ADGRG2: variants seen among roughly 807,000 people sequenced by gnomAD.
The protein encoded by ADGRG2 is adhesion G protein-coupled receptor G2.
ADGRG2 carries 26 observed loss-of-function variants against 74.1 expected under a neutral mutation model. That is an observed-to-expected ratio of 0.35 (90% CI 0.26 to 0.49). ADGRG2 has a LOEUF of 0.49. Ranked by LOEUF, ADGRG2 falls within the 20% of genes least tolerant of loss-of-function variation. ADGRG2 has a pLI of 0.99. For synonymous variants in ADGRG2, 296 were observed against 295.2 expected, an observed-to-expected ratio of 1.00 and a Z score of -0.03; for missense variants, 619 against 763.1, an observed-to-expected ratio of 0.81 and a Z score of 2.22.
At position 19,096,953 on chromosome X, in the gene ADGRG2, C is replaced by T. The variant is rs1434677572; in HGVS notation, c.-46-14207G>A. ...GCCATCGTTAACTGCTTCCGGGCAC[C>T]AGGCACTCTGCAAATTGCTCCACAT... On this transcript the variant is annotated intron_variant, in intron 1 of 28. Transcript: ENST00000379869. 2.7e-5 allele frequency among the ~76,000 whole-genome samples: 3 copies of T among 112,462 alleles called. No homozygotes were observed. In the Admixed American group the frequency reaches 2.8e-4, roughly 11 times the overall value.
chrX:19,096,966 A>G (rs1223977889), intron 1 of ADGRG2, among the ~76,000 whole-genome samples: 1 of 112,405 alleles, frequency 8.9e-6, no homozygotes, highest in Non-Finnish European at 1.9e-5. Context: ...GCACTCTGCA[A>G]ATTGCTCCAC....
At chrX:19,049,438 G>GGTTTTT (rs1555901661) in intron 3 of ADGRG2, among the ~76,000 whole-genome samples, 4 of 82,208 alleles carry the variant, frequency 4.9e-5, no homozygotes, top group African/African-American at 2.3e-4. Flanking sequence ...CGTTTTTTGT[G>GGTTTTT]TTTTTTTTTT....
At position 19,008,142 on chromosome X, in the gene ADGRG2, A is replaced by T. The variant is rs200962493; in HGVS notation, c.1423-19T>A. The T allele has an allele frequency of 6.5e-4, 737 of 1,140,000 alleles. 1 individual carries two copies. Among genetic ancestry groups the T allele is most frequent in the Non-Finnish European group, 1.2e-4 (104 of 843,363 alleles). The allele number at this position is 1,140,000 out of a possible 1,213,427, so 93.9% of individuals were successfully genotyped here. A position where few individuals can be genotyped will look rare whatever the true frequency, so the allele number is the denominator to read the frequency against. Reference sequence around the variant, plus strand: ...GAGAAACCTGAAAATCAAGTGGAAGATAAGAATAAATGTCTGGAGCTAGTA... The same window carrying T: ...GAGAAACCTGAAAATCAAGTGGAAGTTAAGAATAAATGTCTGGAGCTAGTA... On this transcript the variant is annotated intron_variant, in intron 18 of 28. Transcript: ENST00000379869.
intron 26 of ADGRG2, among the ~76,000 whole-genome samples, chrX:18,997,178 A>T (rs778598290): frequency 2.6e-4 from 29 of 111,907 alleles, no homozygotes; most frequent in Non-Finnish European, 4.9e-4. Flanking sequence ...AGCTTCATTC[A>T]TTTGTCACCC....
intron 3 of ADGRG2, among the ~76,000 whole-genome samples, chrX:19,067,260 T>C (rs1268713911): frequency 1.8e-5 from 2 of 112,470 alleles, no homozygotes; most frequent in Non-Finnish European, 3.8e-5. Context: ...ACTTTCATTT[T>C]CAATAAATCT....
chrX:19,049,812 C>G (rs748354661), intron 3 of ADGRG2, among the ~76,000 whole-genome samples: 2 of 111,295 alleles, frequency 1.8e-5, no homozygotes, highest in East Asian at 5.6e-4. Flanking sequence ...CCCAACTCCA[C>G]TAGTGTCTAG....
chrX:19,053,975 G>A (rs991537451), intron 3 of ADGRG2, among the ~76,000 whole-genome samples: 2 of 111,253 alleles, frequency 1.8e-5, no homozygotes, highest in South Asian at 3.8e-4. Flanking sequence ...GGGGGAAACC[G>A]CTCCCGTTAT....
intron 15 of ADGRG2, among the ~76,000 whole-genome samples, 199 bp from the exon 16 acceptor site, chrX:19,014,273 T>C (rs1484808706): frequency 9.0e-6 from 1 of 110,740 alleles, no homozygotes; most frequent in African/African-American, 3.3e-5. Flanking sequence ...TACCACCTAC[T>C]TCCTGGGAGA....
rs922954576 is a variant in ADGRG2 at position 19,122,447 on chromosome X, G to A, written c.-52C>T. 4 of 111,654 alleles carry A rather than the reference G, an allele frequency of 3.6e-5. No homozygotes were observed. The highest frequency in any genetic ancestry group is 1.3e-4 in the African/African-American group (4 of 30,949). The allele number at this position is 111,654 out of a possible 1,213,427, so 9.2% of individuals were successfully genotyped here. On this transcript the variant is annotated 5_prime_UTR_variant, in exon 1 of 29. Transcript: ENST00000379869. ...TCCTGGCGCCGAGCGCTTACCTGCC[G>A]CTCGCGTCCTCGGGGCTGGCTGCTG...
intron 8 of ADGRG2, 145 bp downstream of exon 8, chrX:19,033,468 C>G: frequency 5.0e-6 from 2 of 396,426 alleles, no homozygotes; most frequent in Non-Finnish European, 8.9e-6. Flanking sequence ...TTTCAGGTAC[C>G]CAGTGCATAC....
chrX:19,063,651 C>A (rs771469823), intron 3 of ADGRG2, among the ~76,000 whole-genome samples: 1 of 112,351 alleles, frequency 8.9e-6, no homozygotes, highest in Non-Finnish European at 1.9e-5. Context: ...GCCTCGCCAA[C>A]CTTTTGTCTG....
At chrX:19,063,276 G>A (rs1299764724) in intron 3 of ADGRG2, among the ~76,000 whole-genome samples, 3 of 111,618 alleles carry the variant, frequency 2.7e-5, no homozygotes, top group Non-Finnish European at 3.8e-5. Context: ...CCAGAGCCCC[G>A]GGTCGGGGGA....
intron 3 of ADGRG2, among the ~76,000 whole-genome samples, chrX:19,055,729 G>GT (rs2061401854): frequency 9.4e-6 from 1 of 106,393 alleles, no homozygotes; most frequent in African/African-American, 3.5e-5. Flanking sequence ...TCAGGTGGGA[G>GT]ATTTTTTTTT....
chrX:18,994,307 T>C (rs2059976044), intron 28 of ADGRG2, among the ~76,000 whole-genome samples: 1 of 111,591 alleles, frequency 9.0e-6, no homozygotes, highest in South Asian at 3.8e-4. Flanking sequence ...CTGGCCAACA[T>C]GGTGAAACCT....
chrX:19,013,564 A>G, intron 16 of ADGRG2, 122 bp downstream of exon 16: 1 of 581,675 alleles, frequency 1.7e-6, no homozygotes, highest in South Asian at 3.5e-5. Context: ...AGTCATTAGA[A>G]CGTTAGAATC....
At chrX:18,995,526 C>A (rs1260786690) in intron 27 of ADGRG2, among the ~76,000 whole-genome samples, 1 of 110,750 alleles carries the variant, frequency 9.0e-6, no homozygotes, top group African/African-American at 3.3e-5. Flanking sequence ...TCATTTTTCT[C>A]ATTTTCTTAA....
rs182258727 is a variant in ADGRG2, at chrX:19,002,816, C to T, written c.2230+30G>A. On this transcript the variant is annotated intron_variant, in intron 24 of 28. Coordinates refer to ENST00000379869, the MANE Select transcript of ADGRG2 (RefSeq NM_001079858.3). ...CACTAGAGAAAAGGCAGAGAAAGTC[C>T]AGGCAACATGCAGGCAAGCTTATAC... 7.2e-4 allele frequency: 856 copies of T among 1,182,499 alleles called. 2 individuals carry two copies. Among genetic ancestry groups the T allele is most frequent in the Non-Finnish European group, 8.0e-4 (703 of 874,702 alleles).
At chrX:19,050,852 T>G (rs967049288) in intron 3 of ADGRG2, among the ~76,000 whole-genome samples, 15 of 112,129 alleles carry the variant, frequency 1.3e-4, no homozygotes, top group African/African-American at 4.9e-4. Context: ...GGAGAAGCAC[T>G]GATTCAGCCA....
chrX:19,053,867 T>C (rs1322303621), intron 3 of ADGRG2, among the ~76,000 whole-genome samples: 2 of 111,445 alleles, frequency 1.8e-5, no homozygotes, highest in African/African-American at 3.3e-5. Flanking sequence ...GGATGTCTTA[T>C]ATGGCAGCGG....
Sources: gnomAD v4.1 joint callset for allele counts (sites outside exome capture counted in the v4.1 genomes callset) on GRCh38, gnomAD v4.1.1 for gene constraint, MANE v1.5 for transcripts, NCBI Gene and HGNC (gene_info 2026-07-23, HGNC 2026-07-21) for gene names.